The following LSAMP variants were observed in gnomAD, a reference collection of about 807,000 sequenced individuals.
LSAMP encodes limbic system associated membrane protein.
A neutral mutation model predicts 38.6 loss-of-function variants in LSAMP; 7 were observed. That is an observed-to-expected ratio of 0.18 (90% CI 0.10 to 0.34). The LOEUF (loss-of-function observed/expected upper bound fraction) is 0.34. LSAMP is among the 10% of genes least tolerant of loss of function. The pLI, the probability that LSAMP is intolerant of heterozygous loss-of-function variation, is 1.00. For synonymous variants in LSAMP, 154 were observed against 166.8 expected, an observed-to-expected ratio of 0.92 and a Z score of 0.59; for missense variants, 313 against 420.0, an observed-to-expected ratio of 0.75 and a Z score of 2.23.
intron 1 of LSAMP, among the ~76,000 whole-genome samples, chr3:116,102,854 T>A (rs1180508982): frequency 6.6e-6 from 1 of 152,170 alleles, no homozygotes; most frequent in Non-Finnish European, 1.5e-5. Context: ...ATACAGTAAG[T>A]TTTAACAAAA....
intron 1 of LSAMP, among the ~76,000 whole-genome samples, chr3:116,395,531 C>T (rs1047402857): frequency 1.4e-4 from 21 of 152,138 alleles, no homozygotes; most frequent in Non-Finnish European, 7.3e-5. Flanking sequence ...TTACACAAAG[C>T]TCATAAGCCA....
chr3:116,165,753 C>T (rs138436502), intron 1 of LSAMP, among the ~76,000 whole-genome samples: 2 of 152,114 alleles, frequency 1.3e-5, no homozygotes, highest in Non-Finnish European at 2.9e-5. Context: ...TGCTGTCACT[C>T]CCCTCTTGTT....
At chr3:116,219,704 T>C (rs530710827) in intron 1 of LSAMP, among the ~76,000 whole-genome samples, 1 of 152,084 alleles carries the variant, frequency 6.6e-6, no homozygotes, top group African/African-American at 2.4e-5. Context: ...AAGAAAATAT[T>C]TGTAAACCAT....
chr3:116,407,572 G>A (rs1347644323), intron 1 of LSAMP, among the ~76,000 whole-genome samples: 1 of 152,052 alleles, frequency 6.6e-6, no homozygotes, highest in Non-Finnish European at 1.5e-5. Context: ...GCCTGAGGAT[G>A]TGCATAAAAG....
chr3:116,192,721 T>C (rs571997503), intron 1 of LSAMP, among the ~76,000 whole-genome samples: 1 of 152,332 alleles, frequency 6.6e-6, no homozygotes, highest in South Asian at 2.1e-4. Context: ...ATCATTTCTG[T>C]TACAACCTTG....
chr3:115,948,700 G>A (rs1938185195), intron 3 of LSAMP, among the ~76,000 whole-genome samples: 1 of 152,096 alleles, frequency 6.6e-6, no homozygotes, highest in African/African-American at 2.4e-5. Context: ...AACAGACAAT[G>A]TAACATCACA....
intron 1 of LSAMP, among the ~76,000 whole-genome samples, chr3:116,086,757 T>C (rs1399782112): frequency 6.6e-6 from 1 of 152,198 alleles, no homozygotes; most frequent in Non-Finnish European, 1.5e-5. Context: ...GATGTCATTA[T>C]ATTAGACTCA....
chr3:116,243,286 C>G (rs2046563457), intron 1 of LSAMP, among the ~76,000 whole-genome samples: 1 of 152,116 alleles, frequency 6.6e-6, no homozygotes, highest in African/African-American at 2.4e-5. Flanking sequence ...ACCATGACTT[C>G]CACTGGGTGA....
At chr3:116,256,867 A>C (rs888614555) in intron 1 of LSAMP, among the ~76,000 whole-genome samples, 1 of 152,226 alleles carries the variant, frequency 6.6e-6, no homozygotes, top group African/African-American at 2.4e-5. Flanking sequence ...CATGAGTGGC[A>C]AAAGCTATTG....
At chr3:116,104,217 C>G (rs1708411829) in intron 1 of LSAMP, among the ~76,000 whole-genome samples, 1 of 152,128 alleles carries the variant, frequency 6.6e-6, no homozygotes, top group Non-Finnish European at 1.5e-5. Context: ...TAATCACCAG[C>G]TCTTAACAGC....
intron 1 of LSAMP, among the ~76,000 whole-genome samples, chr3:116,187,111 C>A (rs764334770): frequency 6.6e-6 from 1 of 152,136 alleles, no homozygotes; most frequent in Non-Finnish European, 1.5e-5. Flanking sequence ...ACCCCTTTAT[C>A]CTTCAGCTCT....
At chr3:115,973,031 ATGT>A (rs1200319084) in intron 3 of LSAMP, among the ~76,000 whole-genome samples, 2 of 152,104 alleles carry the variant, frequency 1.3e-5, no homozygotes, top group East Asian at 1.9e-4. Context: ...AGAGAAGGAC[ATGT>A]TGTAGTTTAA....
chr3:116,215,753 G>T (rs1576438568), intron 1 of LSAMP, among the ~76,000 whole-genome samples: 2 of 152,172 alleles, frequency 1.3e-5, no homozygotes, highest in Non-Finnish European at 2.9e-5. Flanking sequence ...GTTGGGTATG[G>T]TTGTACAATG....
At chr3:116,152,342 C>T (rs987442004) in intron 1 of LSAMP, among the ~76,000 whole-genome samples, 18 of 152,154 alleles carry the variant, frequency 1.2e-4, no homozygotes, top group African/African-American at 3.6e-4. Context: ...CAATCGGTAC[C>T]CATGCTTTAA....
chr3:116,082,120 G>C (rs1484705478), intron 2 of LSAMP, among the ~76,000 whole-genome samples: 1 of 152,156 alleles, frequency 6.6e-6, no homozygotes, highest in Non-Finnish European at 1.5e-5. Context: ...ACACATGAAG[G>C]TTTTTAATGT....
intron 1 of LSAMP, among the ~76,000 whole-genome samples, chr3:116,330,120 C>G (rs1207902626): frequency 6.6e-6 from 1 of 152,144 alleles, no homozygotes. Flanking sequence ...CAGTAGGAAG[C>G]AACAGGAATA....
At chr3:116,366,709 A>G (rs1251735368) in intron 1 of LSAMP, among the ~76,000 whole-genome samples, 2 of 152,148 alleles carry the variant, frequency 1.3e-5, no homozygotes, top group African/African-American at 4.8e-5. Flanking sequence ...GGAATTCACA[A>G]ATGATTGTTA....
intron 1 of LSAMP, among the ~76,000 whole-genome samples, chr3:116,430,941 TTC>T (rs1478817892): frequency 6.6e-6 from 1 of 152,054 alleles, no homozygotes; most frequent in African/African-American, 2.4e-5. Context: ...TCTTCCTTTC[TTC>T]TTTTTTGAAT....
At chr3:115,941,559 G>T (rs562441749) in intron 3 of LSAMP, among the ~76,000 whole-genome samples, 1 of 151,576 alleles carries the variant, frequency 6.6e-6, no homozygotes, top group Non-Finnish European at 1.5e-5. Flanking sequence ...AAAAATTGGC[G>T]CACACACACA....
Sources: gnomAD v4.1 joint callset for allele counts (sites outside exome capture counted in the v4.1 genomes callset) on GRCh38, gnomAD v4.1.1 for gene constraint, MANE v1.5 for transcripts, NCBI Gene and HGNC (gene_info 2026-07-23, HGNC 2026-07-21) for gene names.